GALM: variants seen among roughly 807,000 people sequenced by gnomAD.
GALM encodes galactose mutarotase.
In GALM, 43 loss-of-function variants were observed where a neutral mutation model predicts 37.4. The ratio of observed to expected loss-of-function variants is 1.15; its 90% CI spans 0.90 to 1.48. The LOEUF (loss-of-function observed/expected upper bound fraction) is 1.48, where lower values mean the gene tolerates loss of function less well. GALM is among the 40% of genes most tolerant of loss of function. The pLI is 0.00. For synonymous variants in GALM, 199 were observed against 170.6 expected, an observed-to-expected ratio of 1.17 and a Z score of -1.30; for missense variants, 456 against 419.1, an observed-to-expected ratio of 1.09 and a Z score of -0.77.
chr2:38,671,076 C>G (rs542189390), intron 1 of GALM, among the ~76,000 whole-genome samples: 1 of 141,770 alleles, frequency 7.1e-6, no homozygotes, highest in South Asian at 2.4e-4. Flanking sequence ...AGTGCCTTGC[C>G]CAGGAAAGGG....
chr2:38,682,139 C>A (rs1373877056), intron 3 of GALM: 2 of 274,980 alleles, frequency 7.3e-6, no homozygotes, highest in Non-Finnish European at 8.0e-6. Context: ...AGGGATAAAC[C>A]CCAGTGGGGG....
intron 4 of GALM, among the ~76,000 whole-genome samples, chr2:38,694,970 A>G (rs924919951): frequency 6.6e-6 from 1 of 151,804 alleles, no homozygotes; most frequent in African/African-American, 2.4e-5. Flanking sequence ...GTTCTGTTGC[A>G]GCATATGGTG....
At chr2:38,731,396 C>CAA (rs66613702) in intron 5 of GALM, among the ~76,000 whole-genome samples, 7 of 121,648 alleles carry the variant, frequency 5.8e-5, no homozygotes, top group African/African-American at 1.3e-4. Flanking sequence ...GACTCTATTT[C>CAA]AAAAAAAAAA....
At position 38,689,872 on chromosome 2, in the gene GALM, G is replaced by A. The variant is rs758676958; in HGVS notation, c.612G>A (p.Val204=). The stretch of plus-strand genomic sequence containing the variant: ...TAGAAGCGGATACTTATTTGCCTGT[G>A]GATGAAACCCTGATTCCTACAGGTT... ...VTIEADTYLP[V]DETLIPTGEV... is the part of the protein sequence containing the mutation. The change falls in exon 4 of 7, where the codon GTG becomes GTA. Residue 204 remains valine, a synonymous_variant. Transcript: ENST00000272252. The A allele has an allele frequency of 1.2e-6, 2 of 1,609,236 alleles. No homozygotes were observed. The highest frequency in any genetic ancestry group is 1.1e-5 in the South Asian group (1 of 90,802).
At chr2:38,726,929 C>G (rs946140931) in intron 4 of GALM, among the ~76,000 whole-genome samples, 2 of 151,416 alleles carry the variant, frequency 1.3e-5, no homozygotes, top group African/African-American at 2.4e-5. Context: ...CAAATATTCC[C>G]TATTTAAAAA....
At chr2:38,681,024 C>G (rs370773811) in intron 2 of GALM, among the ~76,000 whole-genome samples, 1 of 151,638 alleles carries the variant, frequency 6.6e-6, no homozygotes, top group Non-Finnish European at 1.5e-5. Context: ...TAATCATACT[C>G]GGGAGGCTGA....
intron 4 of GALM, among the ~76,000 whole-genome samples, chr2:38,707,169 C>T (rs1666050059): frequency 1.3e-5 from 2 of 151,944 alleles, no homozygotes; most frequent in Admixed American, 1.3e-4. Context: ...GGTTAGGGTG[C>T]CTGTGGGGTG....
intron 4 of GALM, among the ~76,000 whole-genome samples, chr2:38,729,028 C>T (rs1037264351): frequency 2.0e-5 from 3 of 152,130 alleles, no homozygotes; most frequent in Non-Finnish European, 4.4e-5. Flanking sequence ...TCCATTGTCC[C>T]TTGGAATCCA....
chr2:38,721,642 T>C (rs778055354), intron 4 of GALM, among the ~76,000 whole-genome samples: 5 of 152,106 alleles, frequency 3.3e-5, no homozygotes, highest in Non-Finnish European at 7.4e-5. Context: ...GCCTCCCTAG[T>C]AGCTGGGATC....
chr2:38,687,013 G>A (rs531494041), intron 3 of GALM, among the ~76,000 whole-genome samples: 1 of 152,216 alleles, frequency 6.6e-6, no homozygotes, highest in Non-Finnish European at 1.5e-5. Flanking sequence ...CCAGTTTAGC[G>A]CCACCAAGGC....
chr2:38,683,311 A>G (rs994308157), intron 3 of GALM, among the ~76,000 whole-genome samples: 15 of 152,076 alleles, frequency 9.9e-5, no homozygotes, highest in African/African-American at 3.1e-4. Flanking sequence ...TAGATCATAG[A>G]CCCCACCCAA....
At chr2:38,670,536 AC>A (rs944760683) in intron 1 of GALM, among the ~76,000 whole-genome samples, 5 of 151,464 alleles carry the variant, frequency 3.3e-5, no homozygotes, top group African/African-American at 1.2e-4. Context: ...AAGCTGTGCG[AC>A]CCCGGGCAAT....
At chr2:38,677,848 C>G (rs563558451) in intron 2 of GALM, among the ~76,000 whole-genome samples, 32 of 151,888 alleles carry the variant, frequency 2.1e-4, no homozygotes, top group Admixed American at 4.6e-4. Flanking sequence ...GCCACAAGCA[C>G]CATAACAAGC....
intron 1 of GALM, among the ~76,000 whole-genome samples, chr2:38,666,782 T>A (rs1039888395): frequency 2.8e-4 from 42 of 152,228 alleles, no homozygotes; most frequent in African/African-American, 9.9e-4. Context: ...TACTTCCTTC[T>A]TCCTTGATCA....
At chr2:38,722,124 C>T (rs978836004) in intron 4 of GALM, among the ~76,000 whole-genome samples, 2 of 137,618 alleles carry the variant, frequency 1.5e-5, no homozygotes, top group African/African-American at 2.7e-5. Context: ...CTTTGGGAGG[C>T]GGAGGCAGCT....
intron 4 of GALM, among the ~76,000 whole-genome samples, chr2:38,720,448 G>C (rs1666354604): frequency 6.6e-6 from 1 of 150,692 alleles, no homozygotes; most frequent in Non-Finnish European, 1.5e-5. Context: ...AAGGCTGTGG[G>C]TGGGGGCAAG....
At chr2:38,728,214 T>G (rs1666525336) in intron 4 of GALM, among the ~76,000 whole-genome samples, 1 of 151,834 alleles carries the variant, frequency 6.6e-6, no homozygotes, top group Non-Finnish European at 1.5e-5. Context: ...GCCAACATGG[T>G]GAAACCCCAT....
intron 6 of GALM, 77 bp from the exon 7 acceptor site, chr2:38,733,411 C>A: frequency 8.3e-7 from 1 of 1,199,944 alleles, no homozygotes; most frequent in Non-Finnish European, 1.2e-6. Context: ...TCTAGAAGCC[C>A]GTCCAGAAGC....
Position 38,689,005 on chromosome 2 carries a change from A to G in GALM, c.553-808A>G, listed in dbSNP as rs910005014. Among the ~76,000 whole-genome samples, 15 of 152,262 alleles carry G rather than the reference A, an allele frequency of 9.9e-5. No individual in the cohort carries two copies. In the East Asian group the frequency reaches 2.3e-3, roughly 24 times the overall value. On this transcript the variant is annotated intron_variant, in intron 3 of 6. Coordinates refer to ENST00000272252, the MANE Select transcript of GALM (RefSeq NM_138801.3). Reference sequence around the variant, plus strand: ...CTGGCTAATTTTGTATTTTTAGTAGAGACGGGGCTTCTTCTTTTTGGTCAG... The same window carrying G: ...CTGGCTAATTTTGTATTTTTAGTAGGGACGGGGCTTCTTCTTTTTGGTCAG...
Sources: gnomAD v4.1 joint callset for allele counts (sites outside exome capture counted in the v4.1 genomes callset) on GRCh38, gnomAD v4.1.1 for gene constraint, MANE v1.5 for transcripts, NCBI Gene and HGNC (gene_info 2026-07-23, HGNC 2026-07-21) for gene names.